TENM2: variants seen among roughly 807,000 people sequenced by gnomAD.
TENM2 encodes the protein teneurin transmembrane protein 2.
TENM2 carries 52 observed loss-of-function variants against 245.2 expected under a neutral mutation model. That is an observed-to-expected ratio of 0.21 (90% confidence interval 0.17 to 0.27). TENM2 has a LOEUF of 0.27. Among genes scored for constraint, TENM2 ranks in the 10% least tolerant of loss-of-function variants. The pLI, the probability that TENM2 is intolerant of heterozygous loss-of-function variation, is 1.00. For synonymous variants in TENM2, 1,363 were observed against 1,438.9 expected, an observed-to-expected ratio of 0.95 and a Z score of 1.19; for missense variants, 3,046 against 3,666.8, an observed-to-expected ratio of 0.83 and a Z score of 4.37.
At chr5:168,161,214 C>A (rs918779506) in intron 12 of TENM2, among the ~76,000 whole-genome samples, 1 of 152,174 alleles carries the variant, frequency 6.6e-6, no homozygotes, top group Non-Finnish European at 1.5e-5. Context: ...TTACCTCCAT[C>A]ATTACAAAGC....
intron 3 of TENM2, among the ~76,000 whole-genome samples, chr5:167,920,348 AAAG>A (rs1777265871): frequency 1.3e-5 from 2 of 150,698 alleles, no homozygotes; most frequent in African/African-American, 2.5e-5. Context: ...AAAGAAAAAA[AAAG>A]AAAAAAAAAA....
intron 2 of TENM2, among the ~76,000 whole-genome samples, chr5:167,561,807 T>C (rs1020532773): frequency 1.3e-5 from 2 of 152,208 alleles, no homozygotes; most frequent in African/African-American, 2.4e-5. Flanking sequence ...GAATTTTTTT[T>C]AATGACATTT....
At chr5:167,780,307 C>T (rs184918757) in intron 2 of TENM2, among the ~76,000 whole-genome samples, 92 of 152,316 alleles carry the variant, frequency 6.0e-4, no homozygotes, top group East Asian at 5.6e-3. Context: ...ACCCGCAGTG[C>T]TCTCACAGTC....
intron 2 of TENM2, among the ~76,000 whole-genome samples, chr5:167,562,039 G>A (rs926968111): frequency 1.2e-4 from 19 of 152,272 alleles, no homozygotes; most frequent in East Asian, 9.7e-4. Context: ...GATGGTGAGC[G>A]TGGAGGGATT....
At chr5:168,166,894 C>T (rs914750259) in intron 13 of TENM2, among the ~76,000 whole-genome samples, 1 of 152,146 alleles carries the variant, frequency 6.6e-6, no homozygotes, top group Non-Finnish European at 1.5e-5. Flanking sequence ...AACTCCCTGC[C>T]TTCTCACCCC....
At chr5:167,376,227 C>T (rs1416295143) in intron 2 of TENM2, among the ~76,000 whole-genome samples, 2 of 152,034 alleles carry the variant, frequency 1.3e-5, no homozygotes, top group African/African-American at 2.4e-5. Context: ...TGAGCAATTC[C>T]GAAGTGTGTT....
At chr5:167,234,787 G>A in the TENM2 span, among the ~76,000 whole-genome samples, 1 of 152,096 alleles carries the variant, frequency 6.6e-6, no homozygotes, top group Non-Finnish European at 1.5e-5. Flanking sequence ...TATATATGAT[G>A]GAACAGAGAA....
chr5:167,541,363 G>A (rs766896408), intron 2 of TENM2, among the ~76,000 whole-genome samples: 1 of 152,056 alleles, frequency 6.6e-6, no homozygotes, highest in Non-Finnish European at 1.5e-5. Flanking sequence ...AGTTAATGAT[G>A]GGTAACTCAT....
the TENM2 span, among the ~76,000 whole-genome samples, chr5:167,211,272 A>T: frequency 6.6e-6 from 1 of 152,216 alleles, no homozygotes; most frequent in Non-Finnish European, 1.5e-5. Context: ...TACACATTAA[A>T]AAACTACACT....
intron 2 of TENM2, among the ~76,000 whole-genome samples, chr5:167,534,442 A>G (rs1460707679): frequency 6.6e-6 from 1 of 152,218 alleles, no homozygotes; most frequent in African/African-American, 2.4e-5. Context: ...AAATAAAAAT[A>G]CAGGAGAGCC....
intron 2 of TENM2, among the ~76,000 whole-genome samples, chr5:167,598,260 T>A (rs1342133844): frequency 6.6e-6 from 1 of 152,194 alleles, no homozygotes; most frequent in African/African-American, 2.4e-5. Context: ...ATTTGTCATT[T>A]TGTTCCCAAA....
At chr5:167,031,678 C>T in the TENM2 span, among the ~76,000 whole-genome samples, 45 of 152,266 alleles carry the variant, frequency 3.0e-4, no homozygotes, top group African/African-American at 9.9e-4. Flanking sequence ...GATTCTCCTG[C>T]CTCAGCCTCC....
intron 2 of TENM2, among the ~76,000 whole-genome samples, chr5:167,631,400 A>G (rs6867945): frequency 0.08 from 12,172 of 152,152 alleles, 962 homozygotes; most frequent in East Asian, 0.27. Flanking sequence ...CGGCAGAGAA[A>G]ATAGCTACAA....
At chr5:168,263,920 A>T (rs1768427890), downstream of TENM2, 1 of 152,594 alleles carries the variant, frequency 6.6e-6, no homozygotes, top group Non-Finnish European at 1.5e-5. Context: ...GAGGAGAGAA[A>T]ATTTAAAAAA....
chr5:167,662,793 G>A (rs1417435744), intron 2 of TENM2, among the ~76,000 whole-genome samples: 2 of 151,962 alleles, frequency 1.3e-5, no homozygotes, highest in African/African-American at 4.8e-5. Context: ...GTCTATGGAC[G>A]AACACCACCA....
chr5:167,766,582 AAGT>A (rs1207191359), intron 2 of TENM2, among the ~76,000 whole-genome samples: 2 of 152,196 alleles, frequency 1.3e-5, no homozygotes, highest in African/African-American at 4.8e-5. Flanking sequence ...GATATGGAGA[AAGT>A]AGAACGCTTG....
the TENM2 span, among the ~76,000 whole-genome samples, chr5:167,145,146 A>G: frequency 9.2e-5 from 14 of 152,170 alleles, no homozygotes; most frequent in Admixed American, 7.2e-4. Context: ...AATCTCCTCA[A>G]GATCCTTCAT....
At chr5:167,660,218 T>A (rs550738518) in intron 2 of TENM2, 2 of 152,336 alleles carry the variant, frequency 1.3e-5, no homozygotes, top group Admixed American at 1.3e-4. Context: ...ATCTCAGCAC[T>A]TTGGGAGGTC....
chr5:167,568,254 G>T (rs971179953), intron 2 of TENM2, among the ~76,000 whole-genome samples: 2 of 152,088 alleles, frequency 1.3e-5, no homozygotes, highest in Non-Finnish European at 2.9e-5. Flanking sequence ...ATCTTATTTT[G>T]AACAAAGGAT....
Sources: allele counts gnomAD v4.1 joint callset (sites outside exome capture counted in the v4.1 genomes callset), GRCh38; gene constraint gnomAD v4.1.1; transcripts MANE v1.5; gene names NCBI Gene and HGNC (gene_info 2026-07-23, HGNC 2026-07-21).